POFUT4: variants seen among roughly 807,000 people sequenced by gnomAD.
The protein encoded by POFUT4 is protein O-fucosyltransferase 4.
the POFUT4 span, chr10:73,773,054 G>C: frequency 6.4e-7 from 1 of 1,557,394 alleles, no homozygotes; most frequent in Non-Finnish European, 8.6e-7. Context: ...GAGTGAGGGC[G>C]GGCCGGAGGG....
chr10:73,772,291 G>T, the POFUT4 span: 4 of 1,375,344 alleles, frequency 2.9e-6, no homozygotes, highest in Non-Finnish European at 3.8e-6. Flanking sequence ...TCCGCTGGGC[G>T]GGGTCGGTGC....
the POFUT4 span, chr10:73,772,936 G>C: frequency 1.2e-6 from 2 of 1,608,334 alleles, no homozygotes; most frequent in Admixed American, 1.7e-5. Context: ...TGGAACGCGC[G>C]GAGTGGCGCC....
chr10:73,778,437 C>CCA, the POFUT4 span, among the ~76,000 whole-genome samples: 13 of 149,652 alleles, frequency 8.7e-5, no homozygotes, highest in Non-Finnish European at 1.9e-4. Flanking sequence ...GGGGATGCAG[C>CCA]CAAACCCTTC....
chr10:73,777,577 G>A, the POFUT4 span, among the ~76,000 whole-genome samples: 17 of 148,852 alleles, frequency 1.1e-4, no homozygotes, highest in African/African-American at 4.2e-4. Context: ...TTTTTGAGAT[G>A]GAGTTTCGCT....
chr10:73,775,771 C>T, the POFUT4 span: 1 of 1,312,364 alleles, frequency 7.6e-7, no homozygotes, highest in African/African-American at 1.5e-5. Context: ...TGCACAAACC[C>T]TTAATGAACA....
the POFUT4 span, chr10:73,773,712 G>C: frequency 6.2e-7 from 1 of 1,614,138 alleles, no homozygotes; most frequent in Non-Finnish European, 8.5e-7. Context: ...CTCTCCCGGG[G>C]ACAGCCCCGT....
the POFUT4 span, chr10:73,773,197 C>T: frequency 1.2e-6 from 2 of 1,609,766 alleles, no homozygotes; most frequent in East Asian, 2.2e-5. Flanking sequence ...TAGGTAGACT[C>T]CTACGGGAAA....
chr10:73,773,442 G>A, the POFUT4 span: 1 of 1,614,090 alleles, frequency 6.2e-7, no homozygotes, highest in Non-Finnish European at 8.5e-7. Context: ...CAATCACTCC[G>A]TCATCCTGAT....
chr10:73,773,128 A>C, the POFUT4 span: 61 of 289,686 alleles, frequency 2.1e-4, no homozygotes, highest in Admixed American at 2.9e-4. Context: ...GGTGTCCAGG[A>C]CTCCAGGTGT....
chr10:73,772,743 T>A, the POFUT4 span: 3 of 1,600,508 alleles, frequency 1.9e-6, no homozygotes, highest in Non-Finnish European at 2.6e-6. Flanking sequence ...CTGCCGCGCC[T>A]GGCGCACCAG....
chr10:73,772,417 G>A, the POFUT4 span: 1 of 1,572,064 alleles, frequency 6.4e-7, no homozygotes, highest in Non-Finnish European at 8.6e-7. Context: ...GGTCCGTAGC[G>A]GAGAGGGAGG....
chr10:73,773,202 G>A, the POFUT4 span: 1 of 1,610,696 alleles, frequency 6.2e-7, no homozygotes, highest in Non-Finnish European at 8.5e-7. Context: ...AGACTCCTAC[G>A]GGAAATGCCT....
At chr10:73,773,680 A>G in the POFUT4 span, 1,548 of 1,614,232 alleles carry the variant, frequency 9.6e-4, 14 homozygotes, top group African/African-American at 0.018. Context: ...GCTCGGCTGG[A>G]TGCCGAGAAA....
chr10:73,772,616 C>G, the POFUT4 span: 1 of 1,562,792 alleles, frequency 6.4e-7, no homozygotes, highest in African/African-American at 1.4e-5. Flanking sequence ...AGACTCGGAG[C>G]GCATCGAGTG....
chr10:73,773,257 C>A, the POFUT4 span: 5 of 1,613,920 alleles, frequency 3.1e-6, no homozygotes, highest in Non-Finnish European at 4.2e-6. Flanking sequence ...GACACAGCCA[C>A]GGCCACCACC....
the POFUT4 span, chr10:73,772,877 C>T: frequency 6.2e-7 from 1 of 1,612,246 alleles, no homozygotes; most frequent in Non-Finnish European, 8.5e-7. Flanking sequence ...GCTGTCGCTG[C>T]AGTGGCTGCC....
chr10:73,772,474 C>A, the POFUT4 span: 1 of 1,551,768 alleles, frequency 6.4e-7, no homozygotes. Context: ...GCGCGGTTTT[C>A]CGGCCGCCCT....
the POFUT4 span, chr10:73,773,974 C>T: frequency 2.6e-6 from 2 of 774,754 alleles, no homozygotes; most frequent in Non-Finnish European, 2.0e-6. Context: ...GGGGATAAGA[C>T]AAGCTGAAAA....
the POFUT4 span, chr10:73,775,605 A>T: frequency 6.2e-7 from 1 of 1,614,252 alleles, no homozygotes. Flanking sequence ...TCTCACTGCC[A>T]TGATCCACAA....
Sources: gnomAD v4.1 joint callset for allele counts (sites outside exome capture counted in the v4.1 genomes callset) on GRCh38, gnomAD v4.1.1 for gene constraint, MANE v1.5 for transcripts, NCBI Gene and HGNC (gene_info 2026-07-23, HGNC 2026-07-21) for gene names.